TBX20: variants seen among roughly 807,000 people sequenced by gnomAD.
The protein encoded by TBX20 is T-box transcription factor 20, also known as T-box transcription factor TBX20.
A neutral mutation model predicts 42.9 loss-of-function variants in TBX20; 8 were observed. The observed-to-expected ratio is 0.19, with a 90% CI of 0.11 to 0.34. The LOEUF (loss-of-function observed/expected upper bound fraction) is 0.34. Among genes scored for constraint, TBX20 ranks in the 10% least tolerant of loss-of-function variants. The pLI, the probability that TBX20 is intolerant of heterozygous loss-of-function variation, is 1.00. For synonymous variants in TBX20, 198 were observed against 222.8 expected (o/e 0.89, Z 0.99); for missense variants, 411 against 566.0 (o/e 0.73, Z 2.78).
chr7:35,237,848 G>A (rs1789996123), intron 5 of TBX20, among the ~76,000 whole-genome samples: 1 of 144,242 alleles, frequency 6.9e-6, no homozygotes, highest in Non-Finnish European at 1.5e-5. Flanking sequence ...GATGTGTGGT[G>A]TGAGCAGCAC....
At chr7:35,225,880 G>A (rs1054975912) in intron 6 of TBX20, among the ~76,000 whole-genome samples, 1 of 152,072 alleles carries the variant, frequency 6.6e-6, no homozygotes, top group African/African-American at 2.4e-5. Context: ...TGCCATATCA[G>A]ATATTTAAAT....
rs1790056606 is a variant in TBX20, at chr7:35,240,590, G to A, written c.813+289C>T. On this transcript the variant is annotated intron_variant, in intron 5 of 7. Coordinates refer to ENST00000408931, the MANE Select transcript of TBX20 (RefSeq NM_001077653.2). ...TACATGTTACCAGGAGGAGGAAAAG[G>A]AGGCAAGTAACTTTCTGGAGAAGAA... Among the ~76,000 whole-genome samples, 4 of 152,274 alleles carry A rather than the reference G, an allele frequency of 2.6e-5. 1 individual carries two copies. Among genetic ancestry groups the A allele is most frequent in the African/African-American group, 4.8e-5 (2 of 41,558 alleles).
chr7:35,225,168 G>A (rs1177341158), intron 6 of TBX20, among the ~76,000 whole-genome samples: 1 of 152,082 alleles, frequency 6.6e-6, no homozygotes, highest in Non-Finnish European at 1.5e-5. Context: ...GGAATCAACA[G>A]CTTTTTGCAG....
chr7:35,205,023 C>A (rs1789377016), intron 6 of TBX20, among the ~76,000 whole-genome samples: 1 of 152,242 alleles, frequency 6.6e-6, no homozygotes, highest in East Asian at 1.9e-4. Flanking sequence ...ATCCAACAAC[C>A]AATGAAATGT....
intron 6 of TBX20, among the ~76,000 whole-genome samples, chr7:35,205,508 T>C (rs1455601950): frequency 2.6e-5 from 4 of 152,088 alleles, no homozygotes; most frequent in South Asian, 2.1e-4. Context: ...ACTTATAAAA[T>C]ATGTGTTAAA....
intron 6 of TBX20, 47 bp from the exon 7 acceptor site, chr7:35,204,629 C>T (rs1245934629): frequency 5.6e-6 from 8 of 1,417,286 alleles, no homozygotes; most frequent in South Asian, 1.2e-5. Context: ...GTAAAGGACT[C>T]AGAGATACAG....
At chr7:35,219,427 T>C (rs1314383619) in intron 6 of TBX20, among the ~76,000 whole-genome samples, 4 of 152,232 alleles carry the variant, frequency 2.6e-5, no homozygotes, top group Non-Finnish European at 2.9e-5. Context: ...TTTCATATTA[T>C]TTTCACATGT....
chr7:35,208,560 T>C (rs562915645), intron 6 of TBX20, among the ~76,000 whole-genome samples: 229 of 151,956 alleles, frequency 1.5e-3, no homozygotes, highest in Admixed American at 3.1e-3. Flanking sequence ...CTGACCAACA[T>C]GGAGAAACCC....
intron 7 of TBX20, among the ~76,000 whole-genome samples, chr7:35,203,509 A>G (rs545764461): frequency 6.9e-4 from 105 of 152,096 alleles, no homozygotes; most frequent in Non-Finnish European, 1.4e-3. Flanking sequence ...AATAGTAAAT[A>G]TATTTCCTTT....
At chr7:35,248,359 G>A (rs1405943206) in intron 3 of TBX20, among the ~76,000 whole-genome samples, 1 of 152,158 alleles carries the variant, frequency 6.6e-6, no homozygotes, top group East Asian at 1.9e-4. Flanking sequence ...AATTAGAGAG[G>A]ATGTCTATAT....
At chr7:35,214,579 T>C (rs1246718671) in intron 6 of TBX20, among the ~76,000 whole-genome samples, 1 of 152,166 alleles carries the variant, frequency 6.6e-6, no homozygotes, top group African/African-American at 2.4e-5. Flanking sequence ...AATCTTTATA[T>C]ACAAACACCT....
At chr7:35,205,741 G>C (rs1254925217) in intron 6 of TBX20, among the ~76,000 whole-genome samples, 3 of 152,100 alleles carry the variant, frequency 2.0e-5, no homozygotes, top group Middle Eastern at 3.2e-3. Context: ...GTATGACTAT[G>C]ACTATGAGGA....
At chr7:35,209,553 C>T (rs546635993) in intron 6 of TBX20, among the ~76,000 whole-genome samples, 98 of 152,064 alleles carry the variant, frequency 6.4e-4, no homozygotes, top group Non-Finnish European at 1.3e-3. Flanking sequence ...ATATTTTCTT[C>T]CCTTATTTTC....
At position 35,230,465 on chromosome 7, in the gene TBX20, C is replaced by T. The variant is rs1425164671; in HGVS notation, c.890+1039G>A. The stretch of plus-strand genomic sequence containing the variant: ...GTTCCTGGCCAATGTTCAGCCTCTC[C>T]TGCTTGCTCCTCTGCTTCCCCACTG... On this transcript the variant is annotated intron_variant, in intron 6 of 7. Transcript: ENST00000408931. Among the ~76,000 whole-genome samples, 3 of 152,130 alleles carry T rather than the reference C, an allele frequency of 2.0e-5. No homozygotes were observed. In the East Asian group the frequency reaches 5.8e-4, roughly 29 times the overall value.
At chr7:35,247,278 A>G (rs1242590830) in intron 3 of TBX20, among the ~76,000 whole-genome samples, 8 of 152,146 alleles carry the variant, frequency 5.3e-5, no homozygotes, top group African/African-American at 1.9e-4. Context: ...TAGCTAAAGA[A>G]TAATAGTAAA....
chr7:35,247,327 A>G (rs1790213237), intron 3 of TBX20, among the ~76,000 whole-genome samples: 1 of 152,040 alleles, frequency 6.6e-6, no homozygotes, highest in African/African-American at 2.4e-5. Context: ...TAATTTTATT[A>G]ATTTTAATAT....
intron 6 of TBX20, among the ~76,000 whole-genome samples, chr7:35,210,770 A>C (rs1789484235): frequency 6.6e-6 from 1 of 152,138 alleles, no homozygotes; most frequent in South Asian, 2.1e-4. Context: ...TTTACTTTCA[A>C]CTTATGTCTT....
intron 3 of TBX20, 137 bp downstream of exon 3, chr7:35,248,540 G>C: frequency 1.1e-6 from 1 of 905,766 alleles, no homozygotes; most frequent in Non-Finnish European, 1.8e-6. Context: ...AGTCAATCCT[G>C]GAGTGTCCAG....
At chr7:35,213,206 T>C (rs1789527342) in intron 6 of TBX20, among the ~76,000 whole-genome samples, 1 of 152,190 alleles carries the variant, frequency 6.6e-6, no homozygotes, top group African/African-American at 2.4e-5. Context: ...TCTTAGTTGT[T>C]TCAGGAAATA....
Sources: gnomAD v4.1 joint callset for allele counts (sites outside exome capture counted in the v4.1 genomes callset) on GRCh38, gnomAD v4.1.1 for gene constraint, MANE v1.5 for transcripts, NCBI Gene and HGNC (gene_info 2026-07-23, HGNC 2026-07-21) for gene names.